The following SERHL2 variants were observed in gnomAD, a reference collection of about 807,000 sequenced individuals.
SERHL2 encodes serine hydrolase like 2.
A neutral mutation model predicts 25.5 loss-of-function variants in SERHL2; 29 were observed. The ratio of observed to expected loss-of-function variants is 1.14; its 90% CI spans 0.85 to 1.55. SERHL2 has a LOEUF of 1.55. SERHL2 is among the 40% of genes most tolerant of loss of function. The pLI is 0.00. For missense variants in SERHL2, 240 were observed against 252.3 expected (o/e 0.95, Z 0.33); for synonymous variants, 95 against 103.5 (o/e 0.92, Z 0.50).
chr22:42,573,639 C>A, intron 11 of SERHL2: 1 of 389,550 alleles, frequency 2.6e-6, no homozygotes, highest in Non-Finnish European at 4.7e-6. Context: ...ACGGGTACCT[C>A]TTCTGATACA....
chr22:42,567,488 C>A (rs1178400739), intron 9 of SERHL2, among the ~76,000 whole-genome samples: 2 of 151,164 alleles, frequency 1.3e-5, no homozygotes, highest in South Asian at 2.1e-4. Flanking sequence ...CAAGGTGAAA[C>A]CCCGTCTCTA....
chr22:42,572,654 G>A (rs1924395828), intron 11 of SERHL2, 125 bp downstream of exon 11: 7 of 1,444,024 alleles, frequency 4.8e-6, no homozygotes, highest in South Asian at 1.4e-5. Flanking sequence ...GTGACCACCA[G>A]GATCTATCAG....
chr22:42,572,863 T>G lies in SERHL2; in HGVS notation c.825+334T>G, dbSNP rs759943993. 1.8e-3 allele frequency: 618 copies of G among 340,010 alleles called. 8 individuals carry two copies. The highest frequency in any genetic ancestry group is 2.3e-3 in the Non-Finnish European group (552 of 239,922). The allele number at this position is 340,010 out of a possible 1,614,324, so 21.1% of individuals were successfully genotyped here. A position where few individuals can be genotyped will look rare whatever the true frequency, so the allele number is the denominator to read the frequency against. ...TATTTTATATTTTTAAGAGATGGGG[T>G]TTCACCATGTTGGCCAGGCTGGTCT... On this transcript the variant is annotated intron_variant, in intron 11 of 11. Coordinates refer to ENST00000327678, the MANE Select transcript of SERHL2 (RefSeq NM_014509.5).
In SERHL2 at chr22:42,563,525, C is replaced by CAA. The variant is rs563568096; in HGVS notation, c.614-2775_614-2774dup. The CAA allele has an allele frequency of 1.7e-3, 558 of 328,144 alleles. 6 individuals carry two copies. The highest frequency in any genetic ancestry group is 0.011 in the African/African-American group (517 of 45,562). The allele number at this position is 328,144 out of a possible 1,614,324, so 20.3% of individuals were successfully genotyped here. Reference sequence around the variant, plus strand: ...AGCCAACCCTGTCTTAAAAACAAAACAAAAATATCTGGCCCCTGAAGCCCC... The same window carrying CAA: ...AGCCAACCCTGTCTTAAAAACAAAACAAAAAAATATCTGGCCCCTGAAGCCCC... On this transcript the variant is annotated intron_variant, in intron 8 of 11. Transcript: ENST00000327678.
rs752501528 is a variant in SERHL2, at chr22:42,574,084, T to G, written c.*29T>G. 10 of 1,605,862 alleles carry G rather than the reference T, an allele frequency of 6.2e-6. No homozygotes were observed. In the East Asian group the frequency reaches 2.2e-4, roughly 36 times the overall value. On this transcript the variant is annotated 3_prime_UTR_variant, in exon 12 of 12. Transcript: ENST00000327678. ...TGGGCCTGGAACTATGAAGACCTAG[T>G]GCTCCCAGACTCAACACTGGGACTC...
chr22:42,573,813 T>C, intron 11 of SERHL2, 123 bp from the exon 12 acceptor site: 2 of 884,606 alleles, frequency 2.3e-6, no homozygotes, highest in Non-Finnish European at 1.8e-6. Flanking sequence ...GGAAACTCAC[T>C]GTGGGAGGCG....
At chr22:42,561,896 T>G (rs1922728223) in intron 8 of SERHL2, among the ~76,000 whole-genome samples, 1 of 151,768 alleles carries the variant, frequency 6.6e-6, no homozygotes. Flanking sequence ...CACGGATGGC[T>G]GACCTAGGGA....
intron 10 of SERHL2, chr22:42,571,793 A>C (rs1313074702): frequency 6.4e-6 from 1 of 156,570 alleles, no homozygotes; most frequent in African/African-American, 2.4e-5. Flanking sequence ...ATGAGCCTTT[A>C]AAACATCGCG....
intron 9 of SERHL2, among the ~76,000 whole-genome samples, chr22:42,567,490 C>T (rs1424730298): frequency 6.7e-6 from 1 of 150,336 alleles, no homozygotes; most frequent in African/African-American, 2.4e-5. Context: ...AGGTGAAACC[C>T]CGTCTCTACT....
At chr22:42,568,449 TCCTAGTC>T (rs2146733769) in intron 9 of SERHL2, among the ~76,000 whole-genome samples, 1 of 151,988 alleles carries the variant, frequency 6.6e-6, no homozygotes, top group South Asian at 2.1e-4. Flanking sequence ...TATTGCCAGA[TCCTAGTC>T]AATCTGGCTT....
intron 10 of SERHL2, chr22:42,571,764 G>C (rs1924230532): frequency 6.3e-6 from 1 of 158,168 alleles, no homozygotes; most frequent in South Asian, 1.9e-4. Context: ...ACGAAGCACT[G>C]ACACGGGCTC....
intron 9 of SERHL2, 141 bp from the exon 10 acceptor site, chr22:42,570,980 T>G: frequency 1.7e-5 from 19 of 1,104,002 alleles, no homozygotes; most frequent in Non-Finnish European, 2.5e-5. Flanking sequence ...GAGGCAGTGA[T>G]GTGGGGTCCT....
At chr22:42,567,146 A>C (rs1923498164) in intron 9 of SERHL2, among the ~76,000 whole-genome samples, 1 of 152,114 alleles carries the variant, frequency 6.6e-6, no homozygotes, top group African/African-American at 2.4e-5. Context: ...AACATTGGAC[A>C]CATGTGAGAC....
chr22:42,564,713 G>T (rs1029368833), intron 8 of SERHL2, among the ~76,000 whole-genome samples: 7 of 151,998 alleles, frequency 4.6e-5, no homozygotes, highest in Non-Finnish European at 8.8e-5. Context: ...TTTCAGGTGT[G>T]AGCCACCGCA....
At chr22:42,571,313 A>G (rs1165492044) in intron 10 of SERHL2, 110 bp downstream of exon 10, 18 of 1,549,974 alleles carry the variant, frequency 1.2e-5, no homozygotes, top group East Asian at 2.4e-5. Flanking sequence ...TGTCGACCAC[A>G]TCGCTAAGGC....
At position 42,560,278 on chromosome 22, in the gene SERHL2, A is replaced by G. The variant is rs147360692; in HGVS notation, c.613+13A>G. On this transcript the variant is annotated intron_variant, in intron 8 of 11. Coordinates refer to ENST00000327678, the MANE Select transcript of SERHL2 (RefSeq NM_014509.5). ...AAGGTGGCCACAGGTAAGGGACTCTACTGTCCAAGGCCATTTTATATTTGT... is the reference window on the plus strand; with the variant it reads ...AAGGTGGCCACAGGTAAGGGACTCTGCTGTCCAAGGCCATTTTATATTTGT... The G allele has an allele frequency of 1.0e-4, 161 of 1,585,574 alleles. No homozygotes were observed. In the African/African-American group the frequency reaches 1.7e-3, roughly 17 times the overall value.
At chr22:42,559,388 A>T (rs543874115) in intron 7 of SERHL2, among the ~76,000 whole-genome samples, 3 of 151,576 alleles carry the variant, frequency 2.0e-5, no homozygotes, top group African/African-American at 7.2e-5. Flanking sequence ...TCTGGGTGAC[A>T]AAGTGAGACC....
intron 9 of SERHL2, among the ~76,000 whole-genome samples, chr22:42,570,448 A>G (rs147841396): frequency 5.8e-4 from 88 of 150,876 alleles, no homozygotes; most frequent in African/African-American, 2.1e-3. Context: ...AATTGTTCTC[A>G]TATTTTAACA....
At chr22:42,561,045 T>A (rs2146686580) in intron 8 of SERHL2, among the ~76,000 whole-genome samples, 1 of 151,238 alleles carries the variant, frequency 6.6e-6, no homozygotes, top group South Asian at 2.1e-4. Context: ...CCCCCTGGAG[T>A]TGAGTAAGGA....
Sources: gnomAD v4.1 joint callset for allele counts (sites outside exome capture counted in the v4.1 genomes callset) on GRCh38, gnomAD v4.1.1 for gene constraint, MANE v1.5 for transcripts, NCBI Gene and HGNC (gene_info 2026-07-23, HGNC 2026-07-21) for gene names.